The following SOCS5 variants were observed in gnomAD, a reference collection of about 807,000 sequenced individuals.
The protein encoded by SOCS5 is CIS-6.
In SOCS5, 32 loss-of-function variants were observed where a neutral mutation model predicts 42.8. The observed-to-expected ratio is 0.75, with a 90% CI of 0.56 to 1.01. The LOEUF is 1.01. Among genes scored for constraint, SOCS5 ranks in the 50% least tolerant of loss-of-function variants. SOCS5 has a pLI of 0.00. For missense variants in SOCS5, 627 were observed against 653.0 expected (o/e 0.96, Z 0.43); for synonymous variants, 283 against 229.6 (o/e 1.23, Z -2.10).
At chr2:46,716,585 C>T (rs1037483651) in intron 1 of SOCS5, among the ~76,000 whole-genome samples, 6 of 151,952 alleles carry the variant, frequency 3.9e-5, no homozygotes, top group African/African-American at 1.5e-4. Context: ...TCAAGACATC[C>T]TCCTGCTTTA....
chr2:46,723,403 A>G (rs974617312), intron 1 of SOCS5, among the ~76,000 whole-genome samples: 2 of 152,022 alleles, frequency 1.3e-5, no homozygotes, highest in African/African-American at 4.8e-5. Context: ...TGAAAGTTTT[A>G]TAGGTTTGCA....
intron 1 of SOCS5, among the ~76,000 whole-genome samples, chr2:46,716,015 C>A (rs1466742624): frequency 2.0e-5 from 3 of 151,934 alleles, no homozygotes; most frequent in Non-Finnish European, 4.4e-5. Context: ...TTTTCTGCTG[C>A]CCTGTCTTCA....
chr2:46,707,846 A>G (rs1195341086), intron 1 of SOCS5, among the ~76,000 whole-genome samples: 2 of 152,354 alleles, frequency 1.3e-5, no homozygotes, highest in East Asian at 3.9e-4. Flanking sequence ...AATGCATTTA[A>G]TATGCCTAAC....
At chr2:46,712,577 C>T (rs960747614) in intron 1 of SOCS5, among the ~76,000 whole-genome samples, 1 of 152,012 alleles carries the variant, frequency 6.6e-6, no homozygotes, top group African/African-American at 2.4e-5. Flanking sequence ...TTCCTGACCT[C>T]GTGATCCGCC....
intron 1 of SOCS5, among the ~76,000 whole-genome samples, chr2:46,734,370 C>G (rs572328727): frequency 2.0e-5 from 3 of 152,266 alleles, no homozygotes; most frequent in African/African-American, 7.2e-5. Context: ...TACTGTTCAG[C>G]TATCACTTAC....
intron 1 of SOCS5, among the ~76,000 whole-genome samples, chr2:46,708,005 A>C (rs1672535951): frequency 6.6e-6 from 1 of 152,222 alleles, no homozygotes; most frequent in Non-Finnish European, 1.5e-5. Context: ...ACTGTACTGA[A>C]AATGAAAAAT....
chr2:46,719,515 A>G (rs534472044), intron 1 of SOCS5, among the ~76,000 whole-genome samples: 1 of 152,258 alleles, frequency 6.6e-6, no homozygotes, highest in East Asian at 1.9e-4. Flanking sequence ...TTTCTCAGCC[A>G]GTGTTCCTGC....
rs572414516 is a variant in SOCS5 at position 46,721,506 on chromosome 2, T to A, written c.-13+22057T>A. 3.9e-5 allele frequency among the ~76,000 whole-genome samples: 6 copies of A among 152,330 alleles called. No individual in the cohort carries two copies. The East Asian group carries it at 1.2e-3, about 29-fold the overall frequency. On this transcript the variant is annotated intron_variant, in intron 1 of 1. Transcript: ENST00000394861. ...CTGGATTTGCTACTTAAAGCTCATATCCTCAGAAGGTTTAAGATAGAGAAG... is the reference window on the plus strand; with the variant it reads ...CTGGATTTGCTACTTAAAGCTCATAACCTCAGAAGGTTTAAGATAGAGAAG...
At chr2:46,703,331 T>C (rs1672386649) in intron 1 of SOCS5, among the ~76,000 whole-genome samples, 1 of 151,648 alleles carries the variant, frequency 6.6e-6, no homozygotes, top group African/African-American at 2.4e-5. Flanking sequence ...GAAAGCCACA[T>C]GTAGCCATCA....
chr2:46,711,923 T>C (rs565225863), intron 1 of SOCS5, among the ~76,000 whole-genome samples: 1 of 152,330 alleles, frequency 6.6e-6, no homozygotes, highest in South Asian at 2.1e-4. Context: ...CTAAACTCTA[T>C]TCTGTTCATC....
At chr2:46,741,741 TA>T (rs1451213757) in intron 1 of SOCS5, among the ~76,000 whole-genome samples, 5 of 152,234 alleles carry the variant, frequency 3.3e-5, no homozygotes, top group Non-Finnish European at 7.3e-5. Flanking sequence ...TTATGTCTAT[TA>T]TTTCAGCATG....
At chr2:46,754,852 A>G (rs1558413404) in intron 1 of SOCS5, among the ~76,000 whole-genome samples, 1 of 152,222 alleles carries the variant, frequency 6.6e-6, no homozygotes, top group Non-Finnish European at 1.5e-5. Flanking sequence ...GATTATTTTA[A>G]GAAGCTGTAG....
intron 1 of SOCS5, among the ~76,000 whole-genome samples, chr2:46,713,116 G>T (rs749685513): frequency 2.0e-5 from 3 of 152,202 alleles, no homozygotes; most frequent in African/African-American, 4.8e-5. Flanking sequence ...AGCATTTTGG[G>T]AGACTGAGGT....
At chr2:46,725,018 T>C (rs1672961977) in intron 1 of SOCS5, among the ~76,000 whole-genome samples, 1 of 152,074 alleles carries the variant, frequency 6.6e-6, no homozygotes, top group South Asian at 2.1e-4. Context: ...GTTCTGTCTG[T>C]TTTTGCTTCA....
At chr2:46,721,817 A>ATGG (rs987254415) in intron 1 of SOCS5, among the ~76,000 whole-genome samples, 24 of 152,080 alleles carry the variant, frequency 1.6e-4, no homozygotes, top group Non-Finnish European at 7.4e-5. Flanking sequence ...CCTTCTTAGG[A>ATGG]TGGTTTTACA....
At chr2:46,734,585 A>T (rs1673201909) in intron 1 of SOCS5, among the ~76,000 whole-genome samples, 1 of 152,210 alleles carries the variant, frequency 6.6e-6, no homozygotes. Flanking sequence ...CTTAACTCTC[A>T]GAATCATAAT....
chr2:46,744,833 C>T (rs775954495), intron 1 of SOCS5, among the ~76,000 whole-genome samples: 10 of 151,216 alleles, frequency 6.6e-5, no homozygotes, highest in Middle Eastern at 3.4e-3. Flanking sequence ...CGGCTGTAAT[C>T]GAGATTTTTG....
intron 1 of SOCS5, among the ~76,000 whole-genome samples, chr2:46,752,449 A>G (rs1157125363): frequency 6.6e-6 from 1 of 152,054 alleles, no homozygotes; most frequent in African/African-American, 2.4e-5. Flanking sequence ...CTTCCCCATA[A>G]TAGGCAACCA....
intron 1 of SOCS5, among the ~76,000 whole-genome samples, chr2:46,741,915 TTAGA>T (rs2103742080): frequency 6.6e-6 from 1 of 152,306 alleles, no homozygotes; most frequent in Non-Finnish European, 1.5e-5. Context: ...TTGGGAAGCC[TTAGA>T]TAGAAAGATG....
Sources: allele counts gnomAD v4.1 joint callset (sites outside exome capture counted in the v4.1 genomes callset), GRCh38; gene constraint gnomAD v4.1.1; transcripts MANE v1.5; gene names NCBI Gene and HGNC (gene_info 2026-07-23, HGNC 2026-07-21).